HSD17B3: variants seen among roughly 807,000 people sequenced by gnomAD.
The protein encoded by HSD17B3 is hydroxysteroid 17-beta dehydrogenase 3.
Under a neutral mutation model 41.1 loss-of-function variants are expected in HSD17B3, and 29 were observed. That is an observed-to-expected ratio of 0.71 (90% CI 0.53 to 0.96). The LOEUF (loss-of-function observed/expected upper bound fraction) is 0.96. HSD17B3 is among the 40% of genes least tolerant of loss of function. The probability of loss-of-function intolerance (pLI) is 0.00; values close to 1 mark genes in which losing one functional copy is unlikely to be tolerated. For missense variants in HSD17B3, 323 were observed against 374.6 expected, an observed-to-expected ratio of 0.86 and a Z score of 1.14; for synonymous variants, 126 against 145.6, an observed-to-expected ratio of 0.87 and a Z score of 0.97.
chr9:96,246,109 T>C (rs914457095), intron 7 of HSD17B3, among the ~76,000 whole-genome samples: 28 of 152,078 alleles, frequency 1.8e-4, no homozygotes, highest in Admixed American at 1.3e-4. Context: ...AACTCCCAAA[T>C]GGGCATTGGA....
At chr9:96,292,720 A>C (rs996806404) in intron 2 of HSD17B3, among the ~76,000 whole-genome samples, 2 of 152,228 alleles carry the variant, frequency 1.3e-5, no homozygotes, top group African/African-American at 4.8e-5. Flanking sequence ...AACCAAAGAA[A>C]TCCATGCCAA....
At chr9:96,252,769 T>C (rs750686838) in intron 4 of HSD17B3, 34 bp downstream of exon 4, 1 of 1,099,450 alleles carries the variant, frequency 9.1e-7, no homozygotes, top group Non-Finnish European at 1.4e-6. Flanking sequence ...CACTGATGTA[T>C]GACAACAAGC....
chr9:96,238,728 C>T (rs1176554515), intron 10 of HSD17B3, among the ~76,000 whole-genome samples: 3 of 152,004 alleles, frequency 2.0e-5, no homozygotes, highest in East Asian at 1.9e-4. Flanking sequence ...AAGAGAAAGG[C>T]GTGGTCAGAA....
In HSD17B3 at chr9:96,244,421, G is replaced by A. The variant is rs1475100672; in HGVS notation, c.607-27C>T. On this transcript the variant is annotated intron_variant, in intron 8 of 10. Coordinates refer to ENST00000375263, the MANE Select transcript of HSD17B3 (RefSeq NM_000197.2). ...TGGAGCAAGAAGGAGAGACACCTGA[G>A]GCCCCAGAGTGAGCTCCCTCGTCAG... 2.5e-6 allele frequency: 4 copies of A among 1,612,998 alleles called. No individual in the cohort carries two copies. In the African/African-American group the frequency reaches 4.0e-5, roughly 16 times the overall value.
At chr9:96,275,619 A>G (rs1826422015) in intron 2 of HSD17B3, among the ~76,000 whole-genome samples, 1 of 152,062 alleles carries the variant, frequency 6.6e-6, no homozygotes, top group South Asian at 2.1e-4. Flanking sequence ...TTCTACAAAA[A>G]CACAAAGAGG....
At chr9:96,295,773 AG>A (rs1827336519) in intron 2 of HSD17B3, among the ~76,000 whole-genome samples, 1 of 152,200 alleles carries the variant, frequency 6.6e-6, no homozygotes, top group Non-Finnish European at 1.5e-5. Context: ...GGACAAGAAA[AG>A]GCATGGGTAC....
At chr9:96,250,555 AG>A in intron 5 of HSD17B3, 1 of 843,574 alleles carries the variant, frequency 1.2e-6, no homozygotes, top group Non-Finnish European at 1.5e-6. Flanking sequence ...TCCAAAGGTC[AG>A]GGCCTAAGAA....
rs139082389 is a variant in HSD17B3 at position 96,296,306 on chromosome 9, G to A, written c.201+2110C>T. 6.2e-3 allele frequency among the ~76,000 whole-genome samples: 937 copies of A among 152,256 alleles called. 16 individuals are homozygous for A. Among genetic ancestry groups the A allele is most frequent in the African/African-American group, 0.021 (855 of 41,550 alleles). On this transcript the variant is annotated intron_variant, in intron 2 of 10. Transcript: ENST00000375263. ...GCTTCCCCTCTCTCTGCTCTCTGCC[G>A]TGTGAAGCTACATCAAGAAGACAAT...
chr9:96,272,979 A>G (rs1826322114), intron 2 of HSD17B3, among the ~76,000 whole-genome samples: 1 of 152,200 alleles, frequency 6.6e-6, no homozygotes, highest in Admixed American at 6.5e-5. Context: ...TACATAGTAT[A>G]TGATCCCACT....
chr9:96,273,862 G>C (rs956401082), intron 2 of HSD17B3, among the ~76,000 whole-genome samples: 2 of 152,146 alleles, frequency 1.3e-5, no homozygotes, highest in Non-Finnish European at 2.9e-5. Flanking sequence ...TTCTCCTAGA[G>C]CCAAAGCCAC....
At chr9:96,276,107 T>TAAAAAA (rs57386167) in intron 2 of HSD17B3, among the ~76,000 whole-genome samples, 6 of 41,140 alleles carry the variant, frequency 1.5e-4, no homozygotes, top group Admixed American at 4.0e-4. Context: ...TCCTGTCTCA[T>TAAAAAA]AAAAAAAAAA....
intron 8 of HSD17B3, 54 bp downstream of exon 8, chr9:96,245,291 C>A (rs967501513): frequency 7.9e-6 from 11 of 1,397,090 alleles, no homozygotes; most frequent in Non-Finnish European, 1.1e-5. Flanking sequence ...AAATTGCCAA[C>A]TGGGAGAAAT....
chr9:96,249,653 G>GA, intron 6 of HSD17B3, 98 bp downstream of exon 6: 1 of 1,108,256 alleles, frequency 9.0e-7, no homozygotes, highest in Admixed American at 1.7e-5. Context: ...CGATTTCAAA[G>GA]AATCCTGCTT....
intron 2 of HSD17B3, among the ~76,000 whole-genome samples, chr9:96,291,235 C>T (rs960340863): frequency 2.6e-4 from 39 of 152,004 alleles, no homozygotes; most frequent in African/African-American, 5.1e-4. Context: ...CCCAGTGGAA[C>T]GAGGCCACCT....
intron 2 of HSD17B3, among the ~76,000 whole-genome samples, chr9:96,295,224 C>A (rs907674196): frequency 6.6e-6 from 1 of 152,090 alleles, no homozygotes; most frequent in Middle Eastern, 3.4e-3. Flanking sequence ...TCAGGCTGGT[C>A]TGGAACTCCT....
At chr9:96,288,858 A>G (rs536920958) in intron 2 of HSD17B3, among the ~76,000 whole-genome samples, 51 of 151,544 alleles carry the variant, frequency 3.4e-4, no homozygotes, top group African/African-American at 1.2e-3. Flanking sequence ...AATGGCGTGA[A>G]CCCGGGAGGC....
chr9:96,286,829 A>T (rs1031376352), intron 2 of HSD17B3, among the ~76,000 whole-genome samples: 2 of 152,204 alleles, frequency 1.3e-5, no homozygotes, highest in African/African-American at 4.8e-5. Context: ...ATGGTCTAAA[A>T]AAGGGAGGCA....
In HSD17B3 at chr9:96,301,382, G is replaced by T. The variant is rs8190491; in HGVS notation, c.154+569C>A. ...TCACAAGGTCAAGAGTTTGAGACCA[G>T]CCTAGCCAACAGGGTGAAACCCTGT... On this transcript the variant is annotated intron_variant, in intron 1 of 10. Transcript: ENST00000375263. 1.9e-3 allele frequency among the ~76,000 whole-genome samples: 257 copies of T among 137,046 alleles called. 2 individuals are homozygous for T. The highest frequency in any genetic ancestry group is 6.5e-3 in the African/African-American group (240 of 36,990). 89.9% of individuals were successfully genotyped at this position (137,046 alleles called of 152,430 possible). A position where few individuals can be genotyped will look rare whatever the true frequency, so the allele number is the denominator to read the frequency against.
intron 2 of HSD17B3, among the ~76,000 whole-genome samples, chr9:96,294,852 A>G (rs1405329538): frequency 1.3e-5 from 2 of 152,202 alleles, no homozygotes; most frequent in Non-Finnish European, 2.9e-5. Flanking sequence ...ACCGAGTGTC[A>G]GCCACTCCTG....
Sources: gnomAD v4.1 joint callset for allele counts (sites outside exome capture counted in the v4.1 genomes callset) on GRCh38, gnomAD v4.1.1 for gene constraint, MANE v1.5 for transcripts, NCBI Gene and HGNC (gene_info 2026-07-23, HGNC 2026-07-21) for gene names.